TMED5: variants seen among roughly 807,000 people sequenced by gnomAD.
TMED5 encodes the protein transmembrane emp24 domain-containing protein 5.
TMED5 carries 27 observed loss-of-function variants against 23.0 expected under a neutral mutation model. The ratio of observed to expected loss-of-function variants is 1.17; its 90% CI spans 0.86 to 1.62. The LOEUF (loss-of-function observed/expected upper bound fraction) is 1.62. Ranked by LOEUF, TMED5 falls within the 40% of genes most tolerant of loss-of-function variation. The pLI is 0.00. For synonymous variants in TMED5, 97 were observed against 100.8 expected, an observed-to-expected ratio of 0.96 and a Z score of 0.23; for missense variants, 248 against 273.7, an observed-to-expected ratio of 0.91 and a Z score of 0.66.
At position 93,180,065 on chromosome 1, in the gene TMED5, T is replaced by G. The variant is rs765790133; in HGVS notation, c.178A>C (p.Ile60Leu). ...QPMPLKASLE[I>L]EYQVLDGAGL... ...TCCTCCGCACTTACTTGGTACTCGA[T>G]CTCCAGCGAGGCCTTCAGGGGCATG... The change falls in exon 1 of 4, where the codon ATC becomes CTC. Residue 60 changes from isoleucine (I) to leucine (L), a missense_variant. Coordinates refer to ENST00000370282, the MANE Select transcript of TMED5 (RefSeq NM_016040.5). 2 of 1,612,970 alleles carry G rather than the reference T, an allele frequency of 1.2e-6. No individual in the cohort carries two copies. Among genetic ancestry groups the G allele is most frequent in the East Asian group, 4.5e-5 (2 of 44,668 alleles).
At chr1:93,173,026 C>T (rs906895708) in intron 1 of TMED5, among the ~76,000 whole-genome samples, 1 of 151,704 alleles carries the variant, frequency 6.6e-6, no homozygotes, top group African/African-American at 2.4e-5. Flanking sequence ...GAGAGTAGAA[C>T]GATGGTTACC....
In TMED5 at chr1:93,170,319, C is replaced by T. The variant is rs547888217; in HGVS notation, c.189+9735G>A. On this transcript the variant is annotated intron_variant, in intron 1 of 3. Coordinates refer to ENST00000370282, the MANE Select transcript of TMED5 (RefSeq NM_016040.5). ...TGCGCGTGATGCTTGCGGGCCAGCTCGAGTTCCGGGTGGGCGTGGGCTCCG... is the reference window on the plus strand; with the variant it reads ...TGCGCGTGATGCTTGCGGGCCAGCTTGAGTTCCGGGTGGGCGTGGGCTCCG... Among the ~76,000 whole-genome samples, 14 of 152,318 alleles carry T rather than the reference C, an allele frequency of 9.2e-5. No homozygotes were observed. The East Asian group carries it at 2.5e-3, about 27-fold the overall frequency.
intron 1 of TMED5, among the ~76,000 whole-genome samples, chr1:93,175,567 C>T (rs6688230): frequency 0.53 from 79,767 of 151,264 alleles, 24,165 homozygotes; most frequent in South Asian, 0.68. Flanking sequence ...TAATATTAGG[C>T]ATGTATACCT....
intron 2 of TMED5, among the ~76,000 whole-genome samples, chr1:93,158,273 AAAT>A (rs1487637740): frequency 6.6e-6 from 1 of 152,188 alleles, no homozygotes; most frequent in African/African-American, 2.4e-5. Context: ...CCCATTGGTA[AAAT>A]AATATTTACG....
chr1:93,173,263 C>T (rs1482554731), intron 1 of TMED5, among the ~76,000 whole-genome samples: 1 of 149,968 alleles, frequency 6.7e-6, no homozygotes, highest in Non-Finnish European at 1.5e-5. Flanking sequence ...TTAATCATTA[C>T]ATGTTGTATA....
chr1:93,156,650 A>G (rs1195921402), intron 2 of TMED5, among the ~76,000 whole-genome samples, 167 bp from the exon 3 acceptor site: 2 of 152,086 alleles, frequency 1.3e-5, no homozygotes, highest in African/African-American at 4.8e-5. Context: ...CAGGAGTTTG[A>G]GACCAGCCTG....
chr1:93,170,619 C>G (rs913306928), intron 1 of TMED5, among the ~76,000 whole-genome samples: 3 of 152,216 alleles, frequency 2.0e-5, no homozygotes, highest in Non-Finnish European at 2.9e-5. Context: ...TGCAGGCGCA[C>G]GGCATGGGAC....
intron 1 of TMED5, among the ~76,000 whole-genome samples, chr1:93,166,916 A>G (rs1648528248): frequency 6.6e-6 from 1 of 152,126 alleles, no homozygotes; most frequent in African/African-American, 2.4e-5. Flanking sequence ...TAAGTCTTTA[A>G]TCCATTTTAA....
At chr1:93,179,883 A>C (rs1037276496) in intron 1 of TMED5, 171 bp downstream of exon 1, 1 of 622,024 alleles carries the variant, frequency 1.6e-6, no homozygotes, top group Non-Finnish European at 2.6e-6. Context: ...CCCCGGCCCC[A>C]GCGAGAGCCT....
intron 1 of TMED5, among the ~76,000 whole-genome samples, chr1:93,170,280 G>A (rs1648668730): frequency 6.6e-6 from 1 of 152,206 alleles, no homozygotes; most frequent in Admixed American, 6.5e-5. Context: ...AGAGGCGCGG[G>A]TGGGAACTGG....
At chr1:93,174,507 T>C (rs1648840816) in intron 1 of TMED5, among the ~76,000 whole-genome samples, 1 of 152,160 alleles carries the variant, frequency 6.6e-6, no homozygotes, top group African/African-American at 2.4e-5. Context: ...ATTTTAGGCT[T>C]GGGGATACAT....
chr1:93,162,456 C>G (rs4847401), intron 1 of TMED5: 93,959 of 152,212 alleles, frequency 0.62, 29,408 homozygotes, highest in South Asian at 0.69. Flanking sequence ...AATGAGCCAG[C>G]CATGGTGGCA....
intron 1 of TMED5, among the ~76,000 whole-genome samples, chr1:93,167,004 A>C (rs1448433396): frequency 1.3e-5 from 2 of 152,152 alleles, no homozygotes; most frequent in Admixed American, 1.3e-4. Flanking sequence ...TCCCGGGACC[A>C]TTTATTGAAG....
At chr1:93,175,175 T>TTATATATATA (rs201008342) in intron 1 of TMED5, among the ~76,000 whole-genome samples, 6,352 of 119,508 alleles carry the variant, frequency 0.053, 204 homozygotes, top group African/African-American at 0.069. Flanking sequence ...TAAAAGCCAT[T>TTATATATATA]TATATATATA....
At chr1:93,161,803 A>G (rs577426959) in intron 1 of TMED5, 2 of 152,366 alleles carry the variant, frequency 1.3e-5, no homozygotes, top group South Asian at 2.1e-4. Flanking sequence ...GGCATATCCA[A>G]CATAGATGAT....
chr1:93,161,936 T>A (rs1021916936), intron 1 of TMED5: 1 of 152,232 alleles, frequency 6.6e-6, no homozygotes, highest in Non-Finnish European at 1.5e-5. Context: ...CATCTTTTTA[T>A]CATCCTATAC....
At chr1:93,179,958 C>T in intron 1 of TMED5, 96 bp downstream of exon 1, 1 of 1,357,938 alleles carries the variant, frequency 7.4e-7, no homozygotes, top group Non-Finnish European at 1.0e-6. Flanking sequence ...CTCTTCACCA[C>T]CAGGGCCGTC....
chr1:93,165,278 A>G (rs1648454044), intron 1 of TMED5, among the ~76,000 whole-genome samples: 1 of 152,232 alleles, frequency 6.6e-6, no homozygotes, highest in African/African-American at 2.4e-5. Flanking sequence ...TCAATAGATA[A>G]CTAATGGATC....
At chr1:93,158,754 G>T in intron 2 of TMED5, 1 of 168,068 alleles carries the variant, frequency 5.9e-6, no homozygotes, top group Non-Finnish European at 1.2e-5. Context: ...TTTTAGTAGA[G>T]ACAAGGTTTC....
Sources: allele counts gnomAD v4.1 joint callset (sites outside exome capture counted in the v4.1 genomes callset), GRCh38; gene constraint gnomAD v4.1.1; transcripts MANE v1.5; gene names NCBI Gene and HGNC (gene_info 2026-07-23, HGNC 2026-07-21).